RNASEH2B: variants seen among roughly 807,000 people sequenced by gnomAD.
RNASEH2B encodes Aicardi-Goutieres syndrome 2 protein.
A neutral mutation model predicts 45.0 loss-of-function variants in RNASEH2B; 36 were observed. The ratio of observed to expected loss-of-function variants is 0.80; its 90% confidence interval spans 0.61 to 1.06. The LOEUF (loss-of-function observed/expected upper bound fraction) is 1.06. Ranked by LOEUF, RNASEH2B falls within the 50% of genes least tolerant of loss-of-function variation. The pLI, the probability that RNASEH2B is intolerant of heterozygous loss-of-function variation, is 0.00. For missense variants in RNASEH2B, 361 were observed against 360.3 expected (o/e 1.00, Z -0.02); for synonymous variants, 119 against 125.7 (o/e 0.95, Z 0.35).
At chr13:50,947,654 A>T (rs977219268) in intron 7 of RNASEH2B, among the ~76,000 whole-genome samples, 5 of 152,150 alleles carry the variant, frequency 3.3e-5, no homozygotes, top group African/African-American at 1.2e-4. Context: ...GATGATTTTT[A>T]AACTTTATTT....
chr13:50,970,262 G>A (rs548955070), exon 10 of RNASEH2B: 65 of 534,486 alleles, frequency 1.2e-4, no homozygotes, highest in African/African-American at 1.0e-3. Context: ...CATGTTTTAG[G>A]TATGGATGTG....
At chr13:50,915,074 G>A (rs192820092) in intron 1 of RNASEH2B, among the ~76,000 whole-genome samples, 6 of 152,292 alleles carry the variant, frequency 3.9e-5, no homozygotes, top group Non-Finnish European at 8.8e-5. Flanking sequence ...GTCTCATGGG[G>A]TTGTTATCTG....
At chr13:50,957,600 C>A (rs1379818613), downstream of RNASEH2B, among the ~76,000 whole-genome samples, 1 of 152,062 alleles carries the variant, frequency 6.6e-6, no homozygotes, top group Admixed American at 6.6e-5. Flanking sequence ...AATTTATTTT[C>A]CTTTGAGTAC....
chr13:50,917,925 C>T (rs1336407011), intron 1 of RNASEH2B, among the ~76,000 whole-genome samples: 2 of 152,124 alleles, frequency 1.3e-5, no homozygotes, highest in Non-Finnish European at 2.9e-5. Flanking sequence ...TTTCCTGCTT[C>T]CCACATAGTT....
exon 10 of RNASEH2B, chr13:50,970,075 G>T: frequency 9.7e-7 from 1 of 1,027,372 alleles, no homozygotes; most frequent in Non-Finnish European, 1.5e-6. Context: ...GGTGCCAAAA[G>T]GTGCATTTTA....
chr13:50,939,356 C>CAAAAAAA (rs71190394), intron 5 of RNASEH2B, among the ~76,000 whole-genome samples: 1 of 145,574 alleles, frequency 6.9e-6, no homozygotes, highest in Non-Finnish European at 1.5e-5. Context: ...GACTCTGTTT[C>CAAAAAAA]AAAAGAAAAA....
chr13:50,959,538 C>T (rs1952088729), downstream of RNASEH2B: 1 of 152,374 alleles, frequency 6.6e-6, no homozygotes, highest in Non-Finnish European at 1.5e-5. Context: ...ACCACAACCT[C>T]CGCCTTCAGG....
At chr13:50,917,920 T>C (rs932060350) in intron 1 of RNASEH2B, among the ~76,000 whole-genome samples, 5 of 152,190 alleles carry the variant, frequency 3.3e-5, no homozygotes, top group African/African-American at 1.2e-4. Flanking sequence ...CAATTTTTCC[T>C]GCTTCCCACA....
chr13:50,918,638 A>C (rs1238739664), intron 1 of RNASEH2B, among the ~76,000 whole-genome samples: 2 of 152,198 alleles, frequency 1.3e-5, no homozygotes, highest in Non-Finnish European at 1.5e-5. Flanking sequence ...TGTTTTGGGA[A>C]GTGAAGGCAT....
At chr13:50,927,570 A>G in intron 2 of RNASEH2B, 92 bp downstream of exon 2, 7 of 851,568 alleles carry the variant, frequency 8.2e-6, no homozygotes, top group South Asian at 8.1e-5. Flanking sequence ...CTCTTTCTGA[A>G]TAGCTTTTAA....
At chr13:50,958,191 C>G (rs1398378657), downstream of RNASEH2B, among the ~76,000 whole-genome samples, 2 of 152,064 alleles carry the variant, frequency 1.3e-5, no homozygotes, top group Non-Finnish European at 2.9e-5. Context: ...AGGGTATTTC[C>G]TAGGTTTTCT....
intron 4 of RNASEH2B, 87 bp from the exon 5 acceptor site, chr13:50,934,798 A>T (rs1169169967): frequency 1.1e-6 from 1 of 907,178 alleles, no homozygotes; most frequent in African/African-American, 1.6e-5. Context: ...TTAAAGGCCC[A>T]GCCATGAGTT....
In RNASEH2B at chr13:50,910,004, G is replaced by T; in HGVS notation, c.-73G>T. 1 of 1,327,310 alleles carries T rather than the reference G, an allele frequency of 7.5e-7. No individual in the cohort carries two copies. The highest frequency in any genetic ancestry group is 1.0e-6 in the Non-Finnish European group (1 of 990,104). The allele number at this position is 1,327,310 out of a possible 1,614,324, so 82.2% of individuals were successfully genotyped here. A position where few individuals can be genotyped will look rare whatever the true frequency, so the allele number is the denominator to read the frequency against. ...GCCACCCGGAACAGACCCTTCTCCC[G>T]CCATTTTCGGCGGGGCTGGGAGACT... On this transcript the variant is annotated 5_prime_UTR_variant, in exon 1 of 11. Coordinates refer to ENST00000336617, the MANE Select transcript of RNASEH2B (RefSeq NM_024570.4).
chr13:50,937,445 T>G (rs1200070538), intron 5 of RNASEH2B: 1 of 152,060 alleles, frequency 6.6e-6, no homozygotes, highest in Non-Finnish European at 1.5e-5. Flanking sequence ...CAAGCTGGTC[T>G]TGAACTCCTG....
At chr13:50,957,914 G>T (rs1952071658), downstream of RNASEH2B, among the ~76,000 whole-genome samples, 1 of 152,140 alleles carries the variant, frequency 6.6e-6, no homozygotes, top group African/African-American at 2.4e-5. Flanking sequence ...CTTTTGAGAA[G>T]TGTCTGTTTA....
intron 1 of RNASEH2B, among the ~76,000 whole-genome samples, chr13:50,913,873 C>T (rs916428187): frequency 3.3e-5 from 5 of 152,030 alleles, no homozygotes; most frequent in Non-Finnish European, 7.4e-5. Flanking sequence ...CCAGAGCTAT[C>T]TTTCCAATTG....
chr13:50,933,173 A>G (rs1255134005), intron 4 of RNASEH2B, among the ~76,000 whole-genome samples: 1 of 152,244 alleles, frequency 6.6e-6, no homozygotes, highest in Non-Finnish European at 1.5e-5. Flanking sequence ...GGATAAATTA[A>G]TGAGCAGAAA....
intron 6 of RNASEH2B, 49 bp downstream of exon 6, chr13:50,943,443 C>A: frequency 7.4e-7 from 1 of 1,344,996 alleles, no homozygotes; most frequent in South Asian, 1.2e-5. Context: ...ATTCAGTTCT[C>A]TAAGAAATTT....
chr13:50,920,900 G>A (rs1229155387), intron 1 of RNASEH2B, among the ~76,000 whole-genome samples: 1 of 152,120 alleles, frequency 6.6e-6, no homozygotes, highest in Non-Finnish European at 1.5e-5. Context: ...CATATAAAAT[G>A]CATTGTGTTC....
Sources: allele counts gnomAD v4.1 joint callset (sites outside exome capture counted in the v4.1 genomes callset), GRCh38; gene constraint gnomAD v4.1.1; transcripts MANE v1.5; gene names NCBI Gene and HGNC (gene_info 2026-07-23, HGNC 2026-07-21).